Variants in ELSPBP1 observed in about 807,000 individuals in gnomAD.
The protein encoded by ELSPBP1 is epididymal sperm-binding protein 1.
In ELSPBP1, 38 loss-of-function variants were observed where a neutral mutation model predicts 33.3. The ratio of observed to expected loss-of-function variants is 1.14; its 90% CI spans 0.88 to 1.50. The LOEUF (loss-of-function observed/expected upper bound fraction) is 1.50. Ranked by LOEUF, ELSPBP1 falls within the 40% of genes most tolerant of loss-of-function variation. The probability of loss-of-function intolerance (pLI) is 0.00; values close to 1 mark genes in which losing one functional copy is unlikely to be tolerated. For synonymous variants in ELSPBP1, 85 were observed against 94.1 expected (o/e 0.90, Z 0.56); for missense variants, 267 against 263.5 (o/e 1.01, Z -0.09).
chr19:48,008,575 A>C, intron 1 of ELSPBP1, 76 bp from the exon 2 acceptor site: 2 of 974,924 alleles, frequency 2.1e-6, no homozygotes, highest in Non-Finnish European at 3.2e-6. Context: ...AATGGCATGT[A>C]TGACGTCAAA....
intron 1 of ELSPBP1, among the ~76,000 whole-genome samples, chr19:47,996,535 T>C (rs1966913821): frequency 6.6e-6 from 1 of 151,708 alleles, no homozygotes; most frequent in African/African-American, 2.4e-5. Flanking sequence ...GGTGGAAGGA[T>C]GAATGGGTGG....
intron 1 of ELSPBP1, among the ~76,000 whole-genome samples, chr19:48,003,779 C>G (rs903685318): frequency 2.0e-5 from 3 of 151,226 alleles, no homozygotes; most frequent in African/African-American, 7.3e-5. Flanking sequence ...CACCTGACCT[C>G]AGACGATCTG....
intron 4 of ELSPBP1, among the ~76,000 whole-genome samples, chr19:48,016,376 CCTTCCTTCCTTG>C (rs1967132477): frequency 6.6e-6 from 1 of 152,012 alleles, no homozygotes; most frequent in Non-Finnish European, 1.5e-5. Context: ...TTCTTTCCTT[CCTTCCTTCCTTG>C]CTTCCTTCCT....
chr19:48,019,897 T>TGG lies in ELSPBP1; in HGVS notation c.514+22_514+23dup. 6.7e-7 allele frequency: 1 copy of TGG among 1,495,542 alleles called. No homozygotes were observed. The highest frequency in any genetic ancestry group is 9.2e-7 in the Non-Finnish European group (1 of 1,087,776). 92.6% of individuals were successfully genotyped at this position (1,495,542 alleles called of 1,614,324 possible). A position where few individuals can be genotyped will look rare whatever the true frequency, so the allele number is the denominator to read the frequency against. ...ACACCAGTAATCTGGGGATGGGGGT[T>TGG]GGGTGGGTGTGGGTGGAGTCTTTCT... is the stretch of plus-strand genomic sequence containing the variant. On this transcript the variant is annotated intron_variant, in intron 5 of 6. Transcript: ENST00000339841.
rs1568408395 is a variant in ELSPBP1 at position 48,019,836 on chromosome 19, A to G, written c.473A>G (p.Asn158Ser). Residue 158 changes from asparagine to serine, a missense_variant, in exon 5 of 7, where the codon AAC becomes AGC. Asn to Ser is a conservative substitution (Grantham distance 46). Coordinates refer to ENST00000339841, the MANE Select transcript of ELSPBP1 (RefSeq NM_022142.5). ...SNKLWCPTTE[N>S]MDKDGKWSFC... ...AAGCTCTGGTGCCCAACCACAGAGA[A>G]CATGGATAAGGATGGAAAGTGGAGT... is the stretch of plus-strand genomic sequence containing the variant. The G allele has an allele frequency of 1.2e-6, 2 of 1,613,858 alleles. No homozygotes were observed. Among genetic ancestry groups the G allele is most frequent in the South Asian group, 2.2e-5 (2 of 91,032 alleles).
At chr19:48,016,523 TCTTTCTTCCTTCCTTCCTTC>T (rs1967141858) in intron 4 of ELSPBP1, among the ~76,000 whole-genome samples, 8 of 65,946 alleles carry the variant, frequency 1.2e-4, no homozygotes, top group African/African-American at 2.6e-4. Context: ...TTTCTTTCTT[TCTTTCTTCCTTCCTTCCTTC>T]CTTCCTTCCT....
At chr19:48,016,887 C>T (rs898169334) in intron 4 of ELSPBP1, among the ~76,000 whole-genome samples, 3 of 152,200 alleles carry the variant, frequency 2.0e-5, no homozygotes, top group Admixed American at 6.5e-5. Flanking sequence ...GCATGAGGCA[C>T]TGTGCCTGGC....
intron 1 of ELSPBP1, among the ~76,000 whole-genome samples, chr19:47,996,284 T>G (rs940064921): frequency 9.9e-5 from 15 of 152,114 alleles, no homozygotes; most frequent in Non-Finnish European, 2.1e-4. Context: ...ACGATTTATC[T>G]CTGATTGTTG....
At position 48,011,066 on chromosome 19, in the gene ELSPBP1, A is replaced by G. The variant is rs1307409205; in HGVS notation, c.70+2329A>G. ...TGATGATGATATGACGATGATGACA[A>G]TGATGACGGTAATGATGACAACAAT... On this transcript the variant is annotated intron_variant, in intron 2 of 6. Coordinates refer to ENST00000339841, the MANE Select transcript of ELSPBP1 (RefSeq NM_022142.5). This position sits in a 1 kb window ranked among gnomAD's most constrained non-coding sequence, Gnocchi z 4.5. Among the ~76,000 whole-genome samples, 1 of 152,174 alleles carries G rather than the reference A, an allele frequency of 6.6e-6. No individual in the cohort carries two copies. The highest frequency in any genetic ancestry group is 2.4e-5 in the African/African-American group (1 of 41,450).
chr19:48,014,835 T>C (rs1002756047), intron 3 of ELSPBP1, among the ~76,000 whole-genome samples: 2 of 152,058 alleles, frequency 1.3e-5, no homozygotes, highest in Non-Finnish European at 2.9e-5. Context: ...AATGCTAGTG[T>C]TAAAAATAGT....
chr19:47,996,824 G>A (rs1220094411), intron 1 of ELSPBP1, among the ~76,000 whole-genome samples: 1 of 152,148 alleles, frequency 6.6e-6, no homozygotes, highest in Non-Finnish European at 1.5e-5. Flanking sequence ...AAGAGAATTA[G>A]AACATTCTCA....
chr19:48,015,870 C>A, intron 3 of ELSPBP1, 23 bp from the exon 4 acceptor site: 3 of 1,588,460 alleles, frequency 1.9e-6, no homozygotes, highest in Non-Finnish European at 2.6e-6. Context: ...AGTTAAGACA[C>A]TCACGAACTC....
chr19:48,023,926 A>C (rs1260130722), intron 6 of ELSPBP1, among the ~76,000 whole-genome samples: 2 of 149,180 alleles, frequency 1.3e-5, no homozygotes, highest in Non-Finnish European at 1.5e-5. Context: ...GCTGGAGTGC[A>C]GTGGTGCAAT....
chr19:48,016,026 C>A lies in ELSPBP1; in HGVS notation c.342C>A (p.Phe114Leu), dbSNP rs1967128637. ...SVFDEKQQWK[F>L]CETNEYGGNS... ...TCGATGAGAAACAGCAGTGGAAATTCTGTGAAACGAATGGTGAGCCCCTGT... is the reference window on the plus strand; with the variant it reads ...TCGATGAGAAACAGCAGTGGAAATTATGTGAAACGAATGGTGAGCCCCTGT... The change falls in exon 4 of 7, where the codon TTC becomes TTA. Residue 114 changes from phenylalanine to leucine, a missense_variant. Phe to Leu is a conservative substitution (Grantham distance 22). Coordinates refer to ENST00000339841, the MANE Select transcript of ELSPBP1 (RefSeq NM_022142.5). 6.2e-7 allele frequency: 1 copy of A among 1,613,462 alleles called. No homozygotes were observed. The highest frequency in any genetic ancestry group is 1.7e-5 in the Admixed American group (1 of 60,018).
At chr19:47,998,786 CA>C (rs34853595) in intron 1 of ELSPBP1, among the ~76,000 whole-genome samples, 5,882 of 110,848 alleles carry the variant, frequency 0.053, 232 homozygotes, top group African/African-American at 0.14. Flanking sequence ...GACTCCGTCT[CA>C]AAAAAAAAAA....
chr19:47,998,571 G>C (rs1966934666), intron 1 of ELSPBP1, among the ~76,000 whole-genome samples: 1 of 152,016 alleles, frequency 6.6e-6, no homozygotes, highest in Admixed American at 6.5e-5. Flanking sequence ...CGGATCACGA[G>C]GTCAGGAGAT....
At chr19:48,015,782 T>G in intron 3 of ELSPBP1, 111 bp from the exon 4 acceptor site, 1 of 1,021,842 alleles carries the variant, frequency 9.8e-7, no homozygotes, top group East Asian at 2.5e-5. Context: ...ATAAAGTCTC[T>G]TCTGAACCTT....
intron 1 of ELSPBP1, among the ~76,000 whole-genome samples, chr19:48,004,047 G>T (rs947107239): frequency 6.6e-6 from 1 of 151,612 alleles, no homozygotes; most frequent in South Asian, 2.1e-4. Context: ...GGGTTCAAGC[G>T]ATTTTCCTGG....
chr19:48,002,291 G>A (rs924722952), intron 1 of ELSPBP1, among the ~76,000 whole-genome samples: 3 of 152,156 alleles, frequency 2.0e-5, no homozygotes, highest in Non-Finnish European at 4.4e-5. Flanking sequence ...CTGCCTGTCT[G>A]GATCTTAGCA....
Sources: allele counts gnomAD v4.1 joint callset (sites outside exome capture counted in the v4.1 genomes callset), GRCh38; gene constraint gnomAD v4.1.1; non-coding constraint Gnocchi (gnomAD v3.1); transcripts MANE v1.5; gene names NCBI Gene and HGNC (gene_info 2026-07-23, HGNC 2026-07-21).